CTNNA3: variants seen among roughly 807,000 people sequenced by gnomAD.
CTNNA3 encodes the protein catenin alpha 3, also known as catenin alpha-3.
A neutral mutation model predicts 95.7 loss-of-function variants in CTNNA3; 76 were observed. The ratio of observed to expected loss-of-function variants is 0.79; its 90% CI spans 0.66 to 0.96. The LOEUF (loss-of-function observed/expected upper bound fraction) is 0.96. Ranked by LOEUF, CTNNA3 falls within the 40% of genes least tolerant of loss-of-function variation. The pLI is 0.00. For missense variants in CTNNA3, 1,191 were observed against 1,089.8 expected (o/e 1.09, Z -1.31); for synonymous variants, 431 against 374.4 (o/e 1.15, Z -1.74).
chr10:67,397,736 G>A (rs913528658), intron 5 of CTNNA3, among the ~76,000 whole-genome samples: 2 of 152,192 alleles, frequency 1.3e-5, no homozygotes, highest in Admixed American at 1.3e-4. Flanking sequence ...GATTTCATGG[G>A]CAGAGCCCAG....
intron 7 of CTNNA3, among the ~76,000 whole-genome samples, chr10:66,784,275 TTGGCA>T (rs1177301381): frequency 6.6e-6 from 1 of 152,062 alleles, no homozygotes; most frequent in Non-Finnish European, 1.5e-5. Flanking sequence ...TTAAAGAAAC[TTGGCA>T]TATAAAAATT....
intron 13 of CTNNA3, among the ~76,000 whole-genome samples, chr10:66,200,690 C>G (rs765932257): frequency 6.6e-6 from 1 of 152,130 alleles, no homozygotes; most frequent in Non-Finnish European, 1.5e-5. Flanking sequence ...CTGTTCAATC[C>G]TCCTATTTCT....
intron 9 of CTNNA3, among the ~76,000 whole-genome samples, chr10:66,726,197 C>T (rs1023078714): frequency 3.9e-5 from 6 of 152,004 alleles, no homozygotes; most frequent in Non-Finnish European, 5.9e-5. Flanking sequence ...TGCAGCCATA[C>T]TTTGATTCTT....
intron 10 of CTNNA3, among the ~76,000 whole-genome samples, chr10:66,610,166 G>A (rs1844275962): frequency 6.6e-6 from 1 of 151,988 alleles, no homozygotes; most frequent in Non-Finnish European, 1.5e-5. Context: ...TTAATACCTG[G>A]GTGACAAAAT....
At chr10:66,157,052 A>T (rs1161072680) in intron 13 of CTNNA3, among the ~76,000 whole-genome samples, 4 of 151,502 alleles carry the variant, frequency 2.6e-5, no homozygotes, top group Non-Finnish European at 5.9e-5. Context: ...CTTTTTTAAA[A>T]TTTTTCCATA....
chr10:67,215,611 T>C (rs74142438), intron 6 of CTNNA3, among the ~76,000 whole-genome samples: 6,458 of 152,232 alleles, frequency 0.042, 172 homozygotes, highest in South Asian at 0.087. Flanking sequence ...GACAGGCCTA[T>C]GGCTAGAAAA....
intron 13 of CTNNA3, among the ~76,000 whole-genome samples, chr10:66,187,061 A>G (rs1343632409): frequency 6.6e-6 from 1 of 152,124 alleles, no homozygotes; most frequent in Non-Finnish European, 1.5e-5. Flanking sequence ...CAATGCCTGG[A>G]GGGAGCAGAA....
intron 10 of CTNNA3, among the ~76,000 whole-genome samples, chr10:66,595,787 C>T (rs139688082): frequency 3.0e-4 from 45 of 152,032 alleles, no homozygotes; most frequent in African/African-American, 1.1e-3. Context: ...CAGGAGTGCA[C>T]CACTGTACTT....
At chr10:66,705,353 A>G (rs1201255935) in intron 9 of CTNNA3, among the ~76,000 whole-genome samples, 1 of 151,992 alleles carries the variant, frequency 6.6e-6, no homozygotes, top group African/African-American at 2.4e-5. Context: ...TAGCATCAGG[A>G]TAGTGTTAGC....
chr10:66,836,498 C>A (rs191797686), intron 7 of CTNNA3, among the ~76,000 whole-genome samples: 234 of 152,142 alleles, frequency 1.5e-3, no homozygotes, highest in African/African-American at 5.3e-3. Context: ...GGAATGGTTT[C>A]GGCAGCAGAC....
chr10:66,363,383 A>C (rs1006678971), intron 12 of CTNNA3, among the ~76,000 whole-genome samples: 9 of 152,170 alleles, frequency 5.9e-5, no homozygotes, highest in African/African-American at 2.2e-4. Context: ...TGCCCTTATA[A>C]GGAGAGACAT....
intron 1 of CTNNA3, among the ~76,000 whole-genome samples, chr10:67,728,084 T>C (rs978504706): frequency 1.2e-4 from 17 of 143,310 alleles, no homozygotes; most frequent in Non-Finnish European, 2.1e-4. Context: ...TTATATATTA[T>C]ATAATATGTA....
chr10:67,343,243 G>A (rs112198732), intron 5 of CTNNA3, among the ~76,000 whole-genome samples: 11,530 of 152,098 alleles, frequency 0.076, 703 homozygotes, highest in East Asian at 0.24. Flanking sequence ...GAGGCACCGC[G>A]CCCAGCCCAT....
intron 9 of CTNNA3, among the ~76,000 whole-genome samples, chr10:66,637,718 C>A (rs1845383799): frequency 6.6e-6 from 1 of 152,206 alleles, no homozygotes; most frequent in South Asian, 2.1e-4. Context: ...GCACCTCCCC[C>A]TTGGGACACA....
chr10:67,351,077 T>G (rs916059454), intron 5 of CTNNA3, among the ~76,000 whole-genome samples: 1 of 151,274 alleles, frequency 6.6e-6, no homozygotes, highest in Non-Finnish European at 1.5e-5. Context: ...AACAAAGGGA[T>G]GAATCTCAAA....
intron 17 of CTNNA3, among the ~76,000 whole-genome samples, chr10:65,965,321 G>A (rs945062968): frequency 6.6e-6 from 1 of 150,506 alleles, no homozygotes; most frequent in African/African-American, 2.5e-5. Flanking sequence ...GATCCATCTG[G>A]CATGTTATTG....
intron 17 of CTNNA3, among the ~76,000 whole-genome samples, chr10:65,932,201 A>G (rs2077265246): frequency 6.6e-6 from 1 of 152,152 alleles, no homozygotes; most frequent in Admixed American, 6.6e-5. Context: ...AACGACATCT[A>G]CCTTATAGGG....
At chr10:66,400,413 T>C (rs1302647870) in intron 11 of CTNNA3, among the ~76,000 whole-genome samples, 1 of 152,088 alleles carries the variant, frequency 6.6e-6, no homozygotes, top group Non-Finnish European at 1.5e-5. Context: ...GAGCATATAT[T>C]ATAAATGGGT....
At chr10:66,583,296 GTTT>G in intron 10 of CTNNA3, among the ~76,000 whole-genome samples, 1 of 50,132 alleles carries the variant, frequency 2.0e-5, no homozygotes, top group African/African-American at 7.5e-5. Context: ...CAGTGTTTTG[GTTT>G]TTGTTGTTGT....
Sources: allele counts gnomAD v4.1 joint callset (sites outside exome capture counted in the v4.1 genomes callset), GRCh38; gene constraint gnomAD v4.1.1; transcripts MANE v1.5; gene names NCBI Gene and HGNC (gene_info 2026-07-23, HGNC 2026-07-21).